GPHN: variants seen among roughly 807,000 people sequenced by gnomAD.
GPHN encodes the protein gephyrin.
In GPHN, 17 loss-of-function variants were observed where a neutral mutation model predicts 95.5. That is an observed-to-expected ratio of 0.18 (90% CI 0.12 to 0.27). The LOEUF is 0.27. GPHN is among the 10% of genes least tolerant of loss of function. The pLI, the probability that GPHN is intolerant of heterozygous loss-of-function variation, is 1.00. For synonymous variants in GPHN, 320 were observed against 322.5 expected (o/e 0.99, Z 0.08); for missense variants, 660 against 978.1 (o/e 0.67, Z 4.34).
the GPHN span, chr14:67,650,895 A>G: frequency 1.2e-6 from 2 of 1,613,996 alleles, no homozygotes; most frequent in Non-Finnish European, 1.7e-6. Context: ...GATGAATCAG[A>G]AAATCAAGCA....
the GPHN span, chr14:67,364,270 A>G: frequency 6.6e-6 from 1 of 152,184 alleles, no homozygotes; most frequent in Non-Finnish European, 1.5e-5. Flanking sequence ...GGCTATAATA[A>G]ATGACAGAAT....
At chr14:67,631,229 C>T in the GPHN span, among the ~76,000 whole-genome samples, 1 of 152,174 alleles carries the variant, frequency 6.6e-6, no homozygotes, top group Non-Finnish European at 1.5e-5. Context: ...TTTCACATTT[C>T]AGCTTGTTAT....
At chr14:66,987,090 A>G (rs960046513) in intron 9 of GPHN, among the ~76,000 whole-genome samples, 1 of 152,130 alleles carries the variant, frequency 6.6e-6, no homozygotes, top group African/African-American at 2.4e-5. Flanking sequence ...TAGTGTGCCT[A>G]TTTCAAAAAC....
At chr14:67,256,797 G>GACACACAC in the GPHN span, among the ~76,000 whole-genome samples, 1,774 of 147,770 alleles carry the variant, frequency 0.012, 34 homozygotes, top group African/African-American at 0.039. Flanking sequence ...AGAAACTATT[G>GACACACAC]ACACACACAC....
At chr14:66,720,064 A>T (rs552560744) in intron 2 of GPHN, among the ~76,000 whole-genome samples, 1 of 152,342 alleles carries the variant, frequency 6.6e-6, no homozygotes, top group South Asian at 2.1e-4. Context: ...ATTAAAAGTG[A>T]CATAGAATCT....
At chr14:67,067,994 G>C (rs1409590008) in intron 11 of GPHN, among the ~76,000 whole-genome samples, 2 of 152,310 alleles carry the variant, frequency 1.3e-5, no homozygotes, top group East Asian at 3.9e-4. Context: ...AGATGAACTG[G>C]GTACCTCAGT....
chr14:67,678,715 GC>G, the GPHN span, among the ~76,000 whole-genome samples: 1 of 152,180 alleles, frequency 6.6e-6, no homozygotes, highest in East Asian at 1.9e-4. Context: ...ATTAGTGCCT[GC>G]CTGACACCCA....
At chr14:67,168,343 C>T (rs2082401596) in intron 20 of GPHN, among the ~76,000 whole-genome samples, 2 of 152,146 alleles carry the variant, frequency 1.3e-5, no homozygotes, top group Non-Finnish European at 1.5e-5. Context: ...GGCCCTATCT[C>T]CAAATATAGT....
the GPHN span, among the ~76,000 whole-genome samples, chr14:67,370,690 G>A: frequency 6.6e-5 from 10 of 152,154 alleles, no homozygotes; most frequent in African/African-American, 2.2e-4. Flanking sequence ...TGTCCTATAT[G>A]TTAGAGAAAT....
At chr14:67,712,111 G>C in the GPHN span, among the ~76,000 whole-genome samples, 7 of 151,966 alleles carry the variant, frequency 4.6e-5, no homozygotes, top group Admixed American at 2.0e-4. Context: ...GTAGAGACAC[G>C]GTTTCACCAT....
chr14:67,303,732 G>T, the GPHN span: 1 of 680,432 alleles, frequency 1.5e-6, no homozygotes. Context: ...AAATAAATAT[G>T]AAATATCAAT....
chr14:67,095,610 T>G (rs1256538432), intron 12 of GPHN, among the ~76,000 whole-genome samples: 1 of 152,092 alleles, frequency 6.6e-6, no homozygotes, highest in Non-Finnish European at 1.5e-5. Context: ...TAAAAAACGA[T>G]GAGTTCATGT....
intron 21 of GPHN, among the ~76,000 whole-genome samples, chr14:67,175,362 A>C (rs1241784539): frequency 6.6e-6 from 1 of 152,134 alleles, no homozygotes; most frequent in East Asian, 1.9e-4. Context: ...TGTTTTTGTC[A>C]GGTTTGTCAA....
chr14:67,419,093 C>T, the GPHN span, among the ~76,000 whole-genome samples: 3 of 152,222 alleles, frequency 2.0e-5, no homozygotes, highest in Admixed American at 2.0e-4. Flanking sequence ...TGTGCACGGG[C>T]AGGGCTGGAC....
the GPHN span, among the ~76,000 whole-genome samples, chr14:67,518,498 C>T: frequency 6.6e-6 from 1 of 152,214 alleles, no homozygotes; most frequent in South Asian, 2.1e-4. Flanking sequence ...CATGTAAAGG[C>T]CCCGCCACGG....
the GPHN span, chr14:67,656,401 T>A: frequency 6.4e-7 from 1 of 1,574,462 alleles, no homozygotes; most frequent in Non-Finnish European, 8.6e-7. Context: ...CCTTTCCCTG[T>A]CTGCCCAGAC....
intron 1 of GPHN, among the ~76,000 whole-genome samples, chr14:66,525,459 G>C (rs1280432361): frequency 6.6e-6 from 1 of 152,116 alleles, no homozygotes; most frequent in Non-Finnish European, 1.5e-5. Context: ...TCACTCTGAT[G>C]GTAGTTTCTT....
intron 9 of GPHN, among the ~76,000 whole-genome samples, chr14:67,018,170 C>G (rs1054810461): frequency 1.3e-5 from 2 of 151,838 alleles, no homozygotes; most frequent in Non-Finnish European, 2.9e-5. Flanking sequence ...AATAAGATGC[C>G]GTAAGAATCT....
intron 1 of GPHN, among the ~76,000 whole-genome samples, chr14:66,580,736 A>G (rs192903860): frequency 0.013 from 2,011 of 151,978 alleles, 23 homozygotes; most frequent in Non-Finnish European, 0.018. Flanking sequence ...GAATTCTACC[A>G]AATATTTAAA....
Sources: gnomAD v4.1 joint callset for allele counts (sites outside exome capture counted in the v4.1 genomes callset) on GRCh38, gnomAD v4.1.1 for gene constraint, MANE v1.5 for transcripts, NCBI Gene and HGNC (gene_info 2026-07-23, HGNC 2026-07-21) for gene names.